Variants in EPHA6 observed in about 807,000 individuals in gnomAD.
EPHA6 encodes ephrin type-A receptor 6.
EPHA6 carries 50 observed loss-of-function variants against 112.0 expected under a neutral mutation model. The ratio of observed to expected loss-of-function variants is 0.45; its 90% CI spans 0.36 to 0.56. EPHA6 has a LOEUF of 0.56. EPHA6 is among the 20% of genes least tolerant of loss of function. EPHA6 has a pLI of 0.00. For synonymous variants in EPHA6, 529 were observed against 490.7 expected (o/e 1.08, Z -1.03); for missense variants, 1,280 against 1,417.4 (o/e 0.90, Z 1.56).
intron 10 of EPHA6, among the ~76,000 whole-genome samples, chr3:97,516,669 CTA>C (rs1214434531): frequency 6.6e-6 from 1 of 152,020 alleles, no homozygotes; most frequent in African/African-American, 2.4e-5. Flanking sequence ...GTTTTTTTCT[CTA>C]TGTCTCTTCT....
intron 11 of EPHA6, among the ~76,000 whole-genome samples, chr3:97,569,096 C>A (rs2093304050): frequency 6.6e-6 from 1 of 152,142 alleles, no homozygotes; most frequent in Non-Finnish European, 1.5e-5. Context: ...GGCCCCAAAT[C>A]AAGTCAGGTC....
chr3:97,745,826 T>C (rs2035689731), intron 16 of EPHA6, among the ~76,000 whole-genome samples: 1 of 151,800 alleles, frequency 6.6e-6, no homozygotes, highest in Non-Finnish European at 1.5e-5. Context: ...TTAAAGGATT[T>C]TTAAGGGTAA....
At chr3:97,073,788 C>T (rs1028083551) in intron 3 of EPHA6, among the ~76,000 whole-genome samples, 9 of 151,782 alleles carry the variant, frequency 5.9e-5, no homozygotes, top group Non-Finnish European at 1.3e-4. Context: ...CTATTTATAG[C>T]GCATTTATAT....
chr3:97,385,122 A>G (rs2085983616), intron 5 of EPHA6, among the ~76,000 whole-genome samples: 2 of 152,210 alleles, frequency 1.3e-5, no homozygotes, highest in African/African-American at 2.4e-5. Context: ...TCATAGCTTT[A>G]TCAATCTTGA....
chr3:97,563,050 C>T (rs1277429139), intron 11 of EPHA6, among the ~76,000 whole-genome samples: 2 of 151,666 alleles, frequency 1.3e-5, no homozygotes, highest in Non-Finnish European at 2.9e-5. Flanking sequence ...ACTTGGAAAC[C>T]AAAAAAAATT....
intron 7 of EPHA6, among the ~76,000 whole-genome samples, chr3:97,461,899 G>T (rs1244877063): frequency 1.3e-5 from 2 of 152,116 alleles, no homozygotes; most frequent in African/African-American, 4.8e-5. Flanking sequence ...AAGTCAGGGG[G>T]CCTCCATTAG....
intron 3 of EPHA6, among the ~76,000 whole-genome samples, chr3:97,105,363 T>G (rs1209929336): frequency 2.0e-5 from 3 of 152,302 alleles, no homozygotes; most frequent in Non-Finnish European, 4.4e-5. Context: ...TTTGTTCTCA[T>G]TAGTCTCAAA....
rs575400494 is a variant in EPHA6, at chr3:97,699,599, C to T, written c.2785-20662C>T. Among the ~76,000 whole-genome samples the T allele has an allele frequency of 3.2e-4, 49 of 152,226 alleles. No homozygotes were observed. In the South Asian group the frequency reaches 8.5e-3, roughly 26 times the overall value. Reference sequence around the variant, plus strand: ...CTCTTAACTTCTGTACTTTACTGCACCGTGTGGTGGGTAGAGAAACATAGG... The same window carrying T: ...CTCTTAACTTCTGTACTTTACTGCATCGTGTGGTGGGTAGAGAAACATAGG... On this transcript the variant is annotated intron_variant, in intron 14 of 17. Transcript: ENST00000389672.
intron 3 of EPHA6, among the ~76,000 whole-genome samples, chr3:97,178,940 T>C (rs1436923995): frequency 6.6e-6 from 1 of 152,142 alleles, no homozygotes; most frequent in African/African-American, 2.4e-5. Context: ...TTTCTACCCC[T>C]ATCTCTTTTT....
chr3:96,884,929 A>G (rs2107522382), intron 2 of EPHA6, among the ~76,000 whole-genome samples: 1 of 152,294 alleles, frequency 6.6e-6, no homozygotes, highest in Non-Finnish European at 1.5e-5. Context: ...AGTTTTAATC[A>G]TAAAGGGATG....
intron 14 of EPHA6, among the ~76,000 whole-genome samples, chr3:97,685,608 G>A (rs1361495528): frequency 1.3e-5 from 2 of 152,052 alleles, no homozygotes; most frequent in Admixed American, 1.3e-4. Context: ...ATGACAAATA[G>A]CACACTGACT....
intron 3 of EPHA6, among the ~76,000 whole-genome samples, chr3:97,035,698 C>T (rs1299821246): frequency 6.6e-6 from 1 of 151,726 alleles, no homozygotes; most frequent in Non-Finnish European, 1.5e-5. Context: ...CATTTATTGT[C>T]GGAGATCTCT....
chr3:97,023,676 A>G (rs1467582766), intron 3 of EPHA6, among the ~76,000 whole-genome samples: 1 of 150,446 alleles, frequency 6.6e-6, no homozygotes, highest in Non-Finnish European at 1.5e-5. Context: ...TTTTTTTACT[A>G]TTTTACAATG....
intron 14 of EPHA6, among the ~76,000 whole-genome samples, chr3:97,707,295 G>C (rs1291399149): frequency 6.6e-6 from 1 of 152,118 alleles, no homozygotes; most frequent in Non-Finnish European, 1.5e-5. Context: ...GTAGCATTTA[G>C]TAAAAAGAAG....
At chr3:97,263,505 T>G (rs1181538329) in intron 5 of EPHA6, among the ~76,000 whole-genome samples, 1 of 150,120 alleles carries the variant, frequency 6.7e-6, no homozygotes, top group African/African-American at 2.5e-5. Context: ...TAACACACAA[T>G]GCAACTACTT....
chr3:96,942,705 G>A (rs2107692545), intron 2 of EPHA6, among the ~76,000 whole-genome samples: 1 of 152,332 alleles, frequency 6.6e-6, no homozygotes, highest in Middle Eastern at 3.4e-3. Flanking sequence ...CTTCTGCTTT[G>A]CTCATGCTGG....
intron 10 of EPHA6, among the ~76,000 whole-genome samples, chr3:97,498,474 T>C (rs2092037005): frequency 1.3e-5 from 2 of 152,082 alleles, no homozygotes; most frequent in Non-Finnish European, 2.9e-5. Context: ...ATTACCTGAC[T>C]AAGGAGAAAA....
chr3:97,516,065 G>T (rs540646809), intron 10 of EPHA6, among the ~76,000 whole-genome samples: 1 of 152,042 alleles, frequency 6.6e-6, no homozygotes, highest in African/African-American at 2.4e-5. Context: ...TATGGTATCG[G>T]TATAATTTTA....
chr3:97,496,864 AT>A (rs1265714119), intron 10 of EPHA6, among the ~76,000 whole-genome samples: 1 of 152,026 alleles, frequency 6.6e-6, no homozygotes, highest in East Asian at 1.9e-4. Context: ...GTGAATATTG[AT>A]TATTGTCATG....
Sources: allele counts gnomAD v4.1 joint callset (sites outside exome capture counted in the v4.1 genomes callset), GRCh38; gene constraint gnomAD v4.1.1; transcripts MANE v1.5; gene names NCBI Gene and HGNC (gene_info 2026-07-23, HGNC 2026-07-21).